Variants in MS4A4E observed in about 807,000 individuals in gnomAD.
The protein encoded by MS4A4E is putative membrane-spanning 4-domains subfamily A member 4E.
A neutral mutation model predicts 13.3 loss-of-function variants in MS4A4E; 23 were observed. The ratio of observed to expected loss-of-function variants is 1.73; its 90% CI spans 1.25 to 2.45. The LOEUF (loss-of-function observed/expected upper bound fraction) is 2.45. MS4A4E is among the 30% of genes most tolerant of loss of function. The pLI is 0.00. For missense variants in MS4A4E, 144 were observed against 131.2 expected (o/e 1.10, Z -0.48); for synonymous variants, 36 against 45.6 (o/e 0.79, Z 0.85).
intron 1 of MS4A4E, among the ~76,000 whole-genome samples, chr11:60,239,763 T>C (rs1471040099): frequency 2.0e-5 from 3 of 152,210 alleles, no homozygotes; most frequent in Admixed American, 6.5e-5. Flanking sequence ...TGAGTAGGTA[T>C]AATCAAACCT....
At chr11:60,212,557 G>C (rs626023) in intron 5 of MS4A4E, among the ~76,000 whole-genome samples, 139,029 of 152,214 alleles carry the variant, frequency 0.91, 63,630 homozygotes, top group Non-Finnish European at 0.94. Flanking sequence ...GATCCGCCTG[G>C]CTCGGCCTCC....
At position 60,225,154 on chromosome 11, in the gene MS4A4E, C is replaced by T. The variant is rs905339805; in HGVS notation, c.178+3440G>A. On this transcript the variant is annotated intron_variant, in intron 3 of 8. Coordinates refer to ENST00000651255, the MANE Select transcript of MS4A4E (RefSeq NM_001393391.1). The stretch of plus-strand genomic sequence containing the variant: ...ACAAAAATGGTGCTTATGCCACTCC[C>T]TTTCCAATCACTAAGCTATCCTTAT... 3.2e-5 allele frequency: 44 copies of T among 1,390,968 alleles called. No individual in the cohort carries two copies. The Admixed American group carries it at 6.2e-4, about 20-fold the overall frequency. 86.2% of individuals were successfully genotyped at this position (1,390,968 alleles called of 1,614,324 possible). A position where few individuals can be genotyped will look rare whatever the true frequency, so the allele number is the denominator to read the frequency against.
At chr11:60,205,991 T>C (rs1204407317) in intron 6 of MS4A4E, among the ~76,000 whole-genome samples, 171 bp from the exon 7 acceptor site, 1 of 152,182 alleles carries the variant, frequency 6.6e-6, no homozygotes, top group East Asian at 1.9e-4. Flanking sequence ...AATCTGATCC[T>C]TCATATGATT....
intron 1 of MS4A4E, among the ~76,000 whole-genome samples, chr11:60,241,284 A>T (rs969787062): frequency 6.6e-6 from 1 of 152,222 alleles, no homozygotes; most frequent in African/African-American, 2.4e-5. Flanking sequence ...TGGGCCTCCC[A>T]AAGTGCTGGA....
intron 1 of MS4A4E, among the ~76,000 whole-genome samples, chr11:60,232,815 A>G (rs1254127828): frequency 6.6e-6 from 1 of 151,952 alleles, no homozygotes; most frequent in Non-Finnish European, 1.5e-5. Flanking sequence ...CCACCACTAC[A>G]CTATGCACAC....
Position 60,204,955 on chromosome 11 carries a change from G to A in MS4A4E, c.594C>T (p.Ser198=), listed in dbSNP as rs919756510. The part of the protein sequence containing the change: ...NVDVDSTVWC[S]GDGQYLEKVY... ...CTTTTTCCAGATACTGTCCATCTCC[G>A]GAGCTGGAGAAAGTAGACAGGTTAG... The change falls in exon 8 of 9, where the codon TCC becomes TCT. Residue 198 remains serine, a synonymous_variant. Coordinates refer to ENST00000651255, the MANE Select transcript of MS4A4E (RefSeq NM_001393391.1). 2.6e-5 allele frequency among the ~76,000 whole-genome samples: 4 copies of A among 152,106 alleles called. No individual in the cohort carries two copies. Among genetic ancestry groups the A allele is most frequent in the African/African-American group, 7.2e-5 (3 of 41,406 alleles).
At position 60,212,310 on chromosome 11, in the gene MS4A4E, C is replaced by CTTAT. The variant is rs1554984095; in HGVS notation, c.381+663_381+664insATAA. Among the ~76,000 whole-genome samples the CTTAT allele has an allele frequency of 3.6e-5, 5 of 137,844 alleles. No individual in the cohort carries two copies. The East Asian group carries it at 8.5e-4, about 23-fold the overall frequency. 90.4% of individuals were successfully genotyped at this position (137,844 alleles called of 152,430 possible). On this transcript the variant is annotated intron_variant, in intron 5 of 8. Transcript: ENST00000651255. ...ATTATTTGAGAATAGGCACTGACAT[C>CTTAT]TTTTTTTTTTTTTTTTTGAGACAGA...
intron 1 of MS4A4E, among the ~76,000 whole-genome samples, chr11:60,241,774 G>T (rs1212878568): frequency 6.6e-6 from 1 of 152,138 alleles, no homozygotes; most frequent in Non-Finnish European, 1.5e-5. Context: ...ATGAGGGAGG[G>T]ACATTTCTTT....
chr11:60,242,904 A>G, intron 1 of MS4A4E, 54 bp downstream of exon 1: 2 of 1,350,462 alleles, frequency 1.5e-6, no homozygotes, highest in Non-Finnish European at 2.1e-6. Flanking sequence ...TAAACCCAGG[A>G]AATGAAACAA....
At chr11:60,233,354 C>A (rs1322090639) in intron 1 of MS4A4E, among the ~76,000 whole-genome samples, 3 of 152,176 alleles carry the variant, frequency 2.0e-5, no homozygotes, top group Non-Finnish European at 2.9e-5. Flanking sequence ...CCAAAGCACC[C>A]CTCTTTCCCT....
chr11:60,233,988 T>C (rs559359223), intron 1 of MS4A4E, among the ~76,000 whole-genome samples: 1 of 152,332 alleles, frequency 6.6e-6, no homozygotes, highest in Non-Finnish European at 1.5e-5. Context: ...CAAAGGAAAT[T>C]ATTCTCCAGA....
chr11:60,243,032 G>A lies in MS4A4E; in HGVS notation c.-91C>T, dbSNP rs867190809. The A allele has an allele frequency of 1.4e-6, 2 of 1,426,206 alleles. No individual in the cohort carries two copies. The highest frequency in any genetic ancestry group is 1.4e-5 in the African/African-American group (1 of 69,074). 88.3% of individuals were successfully genotyped at this position (1,426,206 alleles called of 1,614,324 possible). On this transcript the variant is annotated 5_prime_UTR_variant, in exon 1 of 9. Transcript: ENST00000651255. ...CTGGGCAAGTTCCTCAAAGTTCTTTGTTCCAGACACAGTCAGCTTCCCCCA... is the reference window on the plus strand; with the variant it reads ...CTGGGCAAGTTCCTCAAAGTTCTTTATTCCAGACACAGTCAGCTTCCCCCA...
intron 1 of MS4A4E, among the ~76,000 whole-genome samples, chr11:60,238,922 C>T (rs2084515732): frequency 6.6e-6 from 1 of 152,184 alleles, no homozygotes; most frequent in African/African-American, 2.4e-5. Flanking sequence ...ATGAACCAGC[C>T]TTACGACCTA....
At chr11:60,207,453 T>C (rs1258479474) in intron 6 of MS4A4E, among the ~76,000 whole-genome samples, 1 of 152,156 alleles carries the variant, frequency 6.6e-6, no homozygotes, top group Non-Finnish European at 1.5e-5. Flanking sequence ...GGTTTTACAA[T>C]GCAAAACCCC....
chr11:60,232,321 A>G (rs75738991), intron 1 of MS4A4E, among the ~76,000 whole-genome samples: 41 of 147,438 alleles, frequency 2.8e-4, no homozygotes, highest in Non-Finnish European at 5.1e-4. Context: ...ACACACACAC[A>G]CCAAAAATGA....
chr11:60,219,015 T>A (rs1376495435), intron 3 of MS4A4E, among the ~76,000 whole-genome samples: 1 of 152,184 alleles, frequency 6.6e-6, no homozygotes, highest in Non-Finnish European at 1.5e-5. Context: ...GATGGCCCAC[T>A]GTGGGTGAGC....
chr11:60,208,059 C>T (rs1310569461), intron 6 of MS4A4E, among the ~76,000 whole-genome samples: 1 of 152,124 alleles, frequency 6.6e-6, no homozygotes, highest in East Asian at 1.9e-4. Flanking sequence ...GGAAAAAGAG[C>T]TTTTATTTAG....
chr11:60,210,464 T>C (rs1470244472), intron 5 of MS4A4E, among the ~76,000 whole-genome samples: 1 of 152,198 alleles, frequency 6.6e-6, no homozygotes, highest in African/African-American at 2.4e-5. Context: ...CATATATATC[T>C]TAGCTTGAGC....
At chr11:60,212,450 C>T (rs2084134772) in intron 5 of MS4A4E, among the ~76,000 whole-genome samples, 1 of 152,002 alleles carries the variant, frequency 6.6e-6, no homozygotes, top group South Asian at 2.1e-4. Context: ...GCTGGAACTA[C>T]AGGTGCCCGC....
Sources: allele counts gnomAD v4.1 joint callset (sites outside exome capture counted in the v4.1 genomes callset), GRCh38; gene constraint gnomAD v4.1.1; transcripts MANE v1.5; gene names NCBI Gene and HGNC (gene_info 2026-07-23, HGNC 2026-07-21).